Variants in CXCL9 observed in about 807,000 individuals in gnomAD.
CXCL9 encodes the protein C-X-C motif chemokine ligand 9.
In CXCL9, 8 loss-of-function variants were observed where a neutral mutation model predicts 11.7. That is an observed-to-expected ratio of 0.68 (90% CI 0.40 to 1.23). CXCL9 has a LOEUF of 1.23. Among genes scored for constraint, CXCL9 ranks in the 50% most tolerant of loss-of-function variants. CXCL9 has a pLI of 0.01. For synonymous variants in CXCL9, 43 were observed against 48.2 expected, an observed-to-expected ratio of 0.89 and a Z score of 0.45; for missense variants, 133 against 141.7, an observed-to-expected ratio of 0.94 and a Z score of 0.31.
At chr4:76,005,004 C>G in intron 2 of CXCL9, 111 bp from the exon 3 acceptor site, 1 of 1,314,536 alleles carries the variant, frequency 7.6e-7, no homozygotes, top group South Asian at 2.4e-5. Context: ...AATGAAACTA[C>G]TTAAAATTAT....
chr4:76,004,631 G>C (rs1731548996), intron 3 of CXCL9, among the ~76,000 whole-genome samples, 178 bp downstream of exon 3: 1 of 152,152 alleles, frequency 6.6e-6, no homozygotes, highest in Admixed American at 6.5e-5. Flanking sequence ...ACAGAGAGGG[G>C]ATACTATATG....
chr4:76,002,288 A>G lies in CXCL9; in HGVS notation c.*1310T>C. 1 of 398,508 alleles carries G rather than the reference A, an allele frequency of 2.5e-6. No homozygotes were observed. The highest frequency in any genetic ancestry group is 4.4e-6 in the Non-Finnish European group (1 of 226,032). The allele number at this position is 398,508 out of a possible 1,614,324, so 24.7% of individuals were successfully genotyped here. The stretch of plus-strand genomic sequence containing the variant: ...TTATATGATTTTCGGTAAACTGTAT[A>G]TTTTTTAAAAACAGTCCAGAATATC... On this transcript the variant is annotated 3_prime_UTR_variant, in exon 4 of 4. Coordinates refer to ENST00000264888, the MANE Select transcript of CXCL9 (RefSeq NM_002416.3).
rs1731608112 is a variant in CXCL9 at position 76,007,368 on chromosome 4, T to A, written c.64+18A>T. 7.0e-7 allele frequency: 1 copy of A among 1,438,014 alleles called. No individual in the cohort carries two copies. The highest frequency in any genetic ancestry group is 1.7e-5 in the Admixed American group (1 of 59,772). The allele number at this position is 1,438,014 out of a possible 1,614,324, so 89.1% of individuals were successfully genotyped here. A position where few individuals can be genotyped will look rare whatever the true frequency, so the allele number is the denominator to read the frequency against. ...GAATCACTTCTCTTACTTTACAACC[T>A]AACTCAGAACCCCTTACCTTGCACT... On this transcript the variant is annotated intron_variant, in intron 1 of 3. Coordinates refer to ENST00000264888, the MANE Select transcript of CXCL9 (RefSeq NM_002416.3).
At chr4:76,004,642 T>C (rs958014692) in intron 3 of CXCL9, among the ~76,000 whole-genome samples, 167 bp downstream of exon 3, 1 of 152,248 alleles carries the variant, frequency 6.6e-6, no homozygotes, top group African/African-American at 2.4e-5. Context: ...ATACTATATG[T>C]AGGAACCTAA....
At chr4:76,006,968 C>A (rs1416385059) in intron 1 of CXCL9, among the ~76,000 whole-genome samples, 4 of 151,996 alleles carry the variant, frequency 2.6e-5, no homozygotes, top group African/African-American at 9.7e-5. Context: ...AAACTGAGGT[C>A]TAGAAAGATT....
At chr4:76,004,207 C>G (rs965993086) in intron 3 of CXCL9, among the ~76,000 whole-genome samples, 1 of 152,142 alleles carries the variant, frequency 6.6e-6, no homozygotes, top group Non-Finnish European at 1.5e-5. Flanking sequence ...GCCTCAGTCC[C>G]TTCACTCTCT....
At chr4:76,006,607 C>A (rs534711212) in intron 1 of CXCL9, among the ~76,000 whole-genome samples, 1 of 152,278 alleles carries the variant, frequency 6.6e-6, no homozygotes, top group South Asian at 2.1e-4. Context: ...TTAATAAATG[C>A]CTATCACAAG....
intron 2 of CXCL9, chr4:76,005,504 A>G (rs1731567782): frequency 6.6e-6 from 1 of 152,292 alleles, no homozygotes; most frequent in South Asian, 2.1e-4. Flanking sequence ...ATCTCTAGAA[A>G]GGAAAGAATT....
rs1731501297 is a variant in CXCL9, at chr4:76,002,825, G to A, written c.*773C>T. On this transcript the variant is annotated 3_prime_UTR_variant, in exon 4 of 4. Coordinates refer to ENST00000264888, the MANE Select transcript of CXCL9 (RefSeq NM_002416.3). ...GGAGAAGAAAGCACTTCTGTGGGGT[G>A]TTGGGGACAAGATGAGAAAGGAGTT... 1 of 154,686 alleles carries A rather than the reference G, an allele frequency of 6.5e-6. No homozygotes were observed. Among genetic ancestry groups the A allele is most frequent in the Non-Finnish European group, 1.4e-5 (1 of 69,780 alleles). The allele number at this position is 154,686 out of a possible 1,614,324, so 9.6% of individuals were successfully genotyped here. A position where few individuals can be genotyped will look rare whatever the true frequency, so the allele number is the denominator to read the frequency against.
rs1391589089 is a variant in CXCL9 at position 76,006,635 on chromosome 4, T to C, written c.65-361A>G. On this transcript the variant is annotated intron_variant, in intron 1 of 3. Transcript: ENST00000264888. The stretch of plus-strand genomic sequence containing the variant: ...ATCACAAGACAAACAGATAACTAAT[T>C]CATGTATGCTATGCTGATCACAGTT... Among the ~76,000 whole-genome samples, 8 of 152,142 alleles carry C rather than the reference T, an allele frequency of 5.3e-5. No individual in the cohort carries two copies. The East Asian group carries it at 1.5e-3, about 29-fold the overall frequency.
chr4:76,005,951 A>G (rs1343142039), intron 2 of CXCL9, 197 bp downstream of exon 2: 1 of 485,782 alleles, frequency 2.1e-6, no homozygotes, highest in South Asian at 2.2e-5. Context: ...AACATGTGTC[A>G]TTCTTGGGGC....
chr4:76,005,430 A>G (rs1379761636), intron 2 of CXCL9: 2 of 152,270 alleles, frequency 1.3e-5, no homozygotes, highest in East Asian at 3.8e-4. Context: ...GTCTGAGAAT[A>G]AGAGTAGTCA....
rs762009700 is a variant in CXCL9, at chr4:76,007,409, A to G, written c.41T>C (p.Leu14Ser). Residue 14 changes from leucine (L) to serine (S), a missense_variant, in exon 1 of 4, where the codon TTG becomes TCG. Coordinates refer to ENST00000264888, the MANE Select transcript of CXCL9 (RefSeq NM_002416.3). ...SGVLFLLGIILLVLIGVQGTP... is the reference protein window; with the variant it reads ...SGVLFLLGIISLVLIGVQGTP... ...ACCTTGCACTCCAATCAGAACCAGC[A>G]AGATGATGCCCAAGAGGAAAAGAAC... 4.4e-5 allele frequency: 70 copies of G among 1,602,474 alleles called. No homozygotes were observed. The highest frequency in any genetic ancestry group is 5.9e-5 in the Non-Finnish European group (69 of 1,169,472).
chr4:76,005,791 A>T (rs1383231647), intron 2 of CXCL9: 1 of 184,364 alleles, frequency 5.4e-6, no homozygotes, highest in East Asian at 1.5e-4. Context: ...ATGTAAAAAC[A>T]TATCTATGTT....
chr4:76,003,557 G>C lies in CXCL9; in HGVS notation c.*41C>G, dbSNP rs1296412455. 1 of 1,150,826 alleles carries C rather than the reference G, an allele frequency of 8.7e-7. No individual in the cohort carries two copies. Among genetic ancestry groups the C allele is most frequent in the East Asian group, 2.3e-5 (1 of 42,636 alleles). 71.3% of individuals were successfully genotyped at this position (1,150,826 alleles called of 1,614,324 possible). A position where few individuals can be genotyped will look rare whatever the true frequency, so the allele number is the denominator to read the frequency against. ...GAATGATAGCGGTATAATTAAAATA[G>C]AACATTTTTAACACAGAATACTTAT... On this transcript the variant is annotated 3_prime_UTR_variant, in exon 4 of 4. Transcript: ENST00000264888.
At position 76,006,218 on chromosome 4, in the gene CXCL9, T is replaced by C. The variant is rs1423145812; in HGVS notation, c.121A>G (p.Ile41Val). The change falls in exon 2 of 4, where the codon ATC becomes GTC. Residue 41 changes from isoleucine to valine, a missense_variant. Coordinates refer to ENST00000264888, the MANE Select transcript of CXCL9 (RefSeq NM_002416.3). ...CSCISTNQGT[I>V]HLQSLKDLKQ... Reference sequence around the variant, plus strand: ...AGGTCTTTCAAGGATTGTAGGTGGATAGTCCCTTGGTTGGTGCTGATGCAG... The same window carrying C: ...AGGTCTTTCAAGGATTGTAGGTGGACAGTCCCTTGGTTGGTGCTGATGCAG... 2 of 1,613,870 alleles carry C rather than the reference T, an allele frequency of 1.2e-6. No homozygotes were observed. Among genetic ancestry groups the C allele is most frequent in the Non-Finnish European group, 1.7e-6 (2 of 1,179,742 alleles).
chr4:76,005,251 T>A lies in CXCL9; in HGVS notation c.192-358A>T, dbSNP rs532025428. 3.0e-4 allele frequency: 48 copies of A among 159,748 alleles called. No individual in the cohort carries two copies. In the South Asian group the frequency reaches 8.9e-3, roughly 30 times the overall value. 9.9% of individuals were successfully genotyped at this position (159,748 alleles called of 1,614,324 possible). On this transcript the variant is annotated intron_variant, in intron 2 of 3. Transcript: ENST00000264888. ...TAGTAGAGACAGGGTTTTACCACAT[T>A]GGCCAGGATGGTCTCAATCTCTTGA...
chr4:76,006,225 T>G lies in CXCL9; in HGVS notation c.114A>C (p.Gln38His). Residue 38 changes from glutamine (Q) to histidine (H), a missense_variant, in exon 2 of 4, where the codon CAA (glutamine) becomes CAC (histidine). Transcript: ENST00000264888. ...TCAAGGATTGTAGGTGGATAGTCCC[T>G]TGGTTGGTGCTGATGCAGGAACAGC... Reference protein sequence around the residue: ...KGRCSCISTNQGTIHLQSLKD... With the variant: ...KGRCSCISTNHGTIHLQSLKD... 6.2e-7 allele frequency: 1 copy of G among 1,613,902 alleles called. No individual in the cohort carries two copies. Among genetic ancestry groups the G allele is most frequent in the African/African-American group, 1.3e-5 (1 of 75,056 alleles).
chr4:76,006,219 A>G lies in CXCL9; in HGVS notation c.120T>C (p.Thr40=). The G allele has an allele frequency of 5.6e-6, 9 of 1,613,796 alleles. No individual in the cohort carries two copies. The highest frequency in any genetic ancestry group is 7.6e-6 in the Non-Finnish European group (9 of 1,179,708). ...RCSCISTNQG[T]IHLQSLKDLK... is the part of the protein sequence containing the mutation. ...GGTCTTTCAAGGATTGTAGGTGGAT[A>G]GTCCCTTGGTTGGTGCTGATGCAGG... Residue 40 remains threonine, a synonymous_variant, in exon 2 of 4, where the codon ACT becomes ACC. Coordinates refer to ENST00000264888, the MANE Select transcript of CXCL9 (RefSeq NM_002416.3).
Sources: gnomAD v4.1 joint callset for allele counts (sites outside exome capture counted in the v4.1 genomes callset) on GRCh38, gnomAD v4.1.1 for gene constraint, MANE v1.5 for transcripts, NCBI Gene and HGNC (gene_info 2026-07-23, HGNC 2026-07-21) for gene names.